Variants in CADM4 observed in about 807,000 individuals in gnomAD.
CADM4 encodes the protein TSLC1-like 2.
A neutral mutation model predicts 43.9 loss-of-function variants in CADM4; 13 were observed. The observed-to-expected ratio is 0.30, with a 90% CI of 0.19 to 0.47. The LOEUF is 0.47. CADM4 is among the 20% of genes least tolerant of loss of function. CADM4 has a pLI of 1.00. For missense variants in CADM4, 420 were observed against 527.0 expected (o/e 0.80, Z 1.99); for synonymous variants, 209 against 220.9 (o/e 0.95, Z 0.48).
upstream of CADM4, among the ~76,000 whole-genome samples, chr19:43,640,196 G>T (rs970595366): frequency 6.6e-6 from 1 of 151,722 alleles, no homozygotes; most frequent in African/African-American, 2.4e-5. Context: ...GCGGAGGGGA[G>T]GGTGGCAGGG....
At position 43,626,066 on chromosome 19, in the gene CADM4, C is replaced by T. The variant is rs1350794223; in HGVS notation, c.664+58G>A. ...CATCACGCAGGACAAGGGGGACCCT[C>T]GCGGGTGCGGGTGGCTGGCGTTGGG... On this transcript the variant is annotated intron_variant, in intron 5 of 8. Transcript: ENST00000222374. This position sits in a 1 kb window ranked among gnomAD's most constrained non-coding sequence, Gnocchi z 5.9. The T allele has an allele frequency of 1.3e-5, 21 of 1,612,068 alleles. No individual in the cohort carries two copies. Among genetic ancestry groups the T allele is most frequent in the Non-Finnish European group, 1.8e-5 (21 of 1,178,838 alleles).
upstream of CADM4, among the ~76,000 whole-genome samples, chr19:43,640,562 C>A (rs1296847002): frequency 3.3e-5 from 5 of 152,012 alleles, no homozygotes; most frequent in African/African-American, 1.2e-4. Context: ...GCGTCATTCT[C>A]CGGGAGGGGC....
rs1489119522 is a variant in CADM4 at position 43,627,030 on chromosome 19, G to A, written c.365-112C>T. On this transcript the variant is annotated intron_variant, in intron 3 of 8. Coordinates refer to ENST00000222374, the MANE Select transcript of CADM4 (RefSeq NM_145296.2). This position sits in a 1 kb window ranked among gnomAD's most constrained non-coding sequence, Gnocchi z 4.0. The stretch of plus-strand genomic sequence containing the variant: ...AGGGAACCAGGGTCCCAGGTGGCAG[G>A]GGTCAAAGGGGAGAGGTCAGGAGCC... The A allele has an allele frequency of 1.4e-6, 2 of 1,480,006 alleles. No individual in the cohort carries two copies. The highest frequency in any genetic ancestry group is 1.4e-5 in the South Asian group (1 of 73,586). 91.7% of individuals were successfully genotyped at this position (1,480,006 alleles called of 1,614,324 possible).
chr19:43,639,614 C>T (rs1414936620), intron 1 of CADM4, 113 bp downstream of exon 1: 2 of 627,328 alleles, frequency 3.2e-6, no homozygotes, highest in Non-Finnish European at 4.0e-6. Context: ...GGAGGGGGCC[C>T]GGCCCGGCCC....
chr19:43,641,683 C>T (rs945710792), upstream of CADM4, among the ~76,000 whole-genome samples: 4 of 152,224 alleles, frequency 2.6e-5, no homozygotes, highest in African/African-American at 9.6e-5. Flanking sequence ...GTCCCCAGAT[C>T]CATAGCCCTG....
At chr19:43,630,156 C>T (rs1176441295) in intron 1 of CADM4, among the ~76,000 whole-genome samples, 1 of 152,044 alleles carries the variant, frequency 6.6e-6, no homozygotes, top group African/African-American at 2.4e-5. Flanking sequence ...CTGCCTGCTT[C>T]GGCCTCCCAA....
intron 1 of CADM4, among the ~76,000 whole-genome samples, chr19:43,636,859 C>T (rs901303956): frequency 2.8e-4 from 42 of 152,140 alleles, no homozygotes; most frequent in African/African-American, 9.4e-4. Flanking sequence ...AGGGAGGGTC[C>T]CCCTATTCTC....
chr19:43,628,379 G>A (rs11083712), intron 1 of CADM4, among the ~76,000 whole-genome samples: 26,027 of 151,268 alleles, frequency 0.17, 2,452 homozygotes, highest in East Asian at 0.22. Context: ...AAGTTGCAGT[G>A]AGCCGAGATG....
chr19:43,630,954 C>T lies in CADM4; in HGVS notation c.65-3164G>A, dbSNP rs1339257532. On this transcript the variant is annotated intron_variant, in intron 1 of 8. Transcript: ENST00000222374. ...ATTCAGGAGTATTTCCTGAGCATCACGTAGGTTTTCAGGGGCTGAGTAGTC... is the reference window on the plus strand; with the variant it reads ...ATTCAGGAGTATTTCCTGAGCATCATGTAGGTTTTCAGGGGCTGAGTAGTC... Among the ~76,000 whole-genome samples, 8 of 152,128 alleles carry T rather than the reference C, an allele frequency of 5.3e-5. No homozygotes were observed. The East Asian group carries it at 9.6e-4, about 18-fold the overall frequency.
At chr19:43,624,824 C>A in intron 7 of CADM4, 1 of 524,662 alleles carries the variant, frequency 1.9e-6, no homozygotes, top group South Asian at 2.4e-5. Context: ...ATAATCTTCA[C>A]AACAGCCTTG....
At chr19:43,630,261 C>G (rs575840606) in intron 1 of CADM4, among the ~76,000 whole-genome samples, 2 of 149,472 alleles carry the variant, frequency 1.3e-5, no homozygotes, top group African/African-American at 4.9e-5. Flanking sequence ...CCCATTTTCC[C>G]CCATTTCCAT....
Position 43,626,200 on chromosome 19 carries a change from G to C in CADM4, c.588C>G (p.Ile196Met), listed in dbSNP as rs777661742. 3 of 1,613,780 alleles carry C rather than the reference G, an allele frequency of 1.9e-6. No homozygotes were observed. The highest frequency in any genetic ancestry group is 2.5e-6 in the Non-Finnish European group (3 of 1,180,020). Residue 196 changes from isoleucine (I) to methionine (M), a missense_variant, in exon 5 of 9, where the codon ATC becomes ATG. Coordinates refer to ENST00000222374, the MANE Select transcript of CADM4 (RefSeq NM_145296.2). The surrounding 1 kb of genome is among the most constrained non-coding windows in gnomAD (Gnocchi z 5.9). ...FRVDRKDDGG[I>M]IICEAQNQAL... ...CCTGGTTCTGCGCCTCACAGATGATGATACCACCGTCGTCCTTACGGTCCA... is the reference window on the plus strand; with the variant it reads ...CCTGGTTCTGCGCCTCACAGATGATCATACCACCGTCGTCCTTACGGTCCA...
chr19:43,628,269 C>CAA (rs1196984834), intron 1 of CADM4, among the ~76,000 whole-genome samples: 2,896 of 127,540 alleles, frequency 0.023, 80 homozygotes, highest in African/African-American at 0.069. Context: ...ACTAAAAATA[C>CAA]AAAAAAAAAA....
At chr19:43,641,649 G>A (rs1256215805), upstream of CADM4, among the ~76,000 whole-genome samples, 2 of 152,180 alleles carry the variant, frequency 1.3e-5, no homozygotes, top group Non-Finnish European at 2.9e-5. Context: ...TGTCCTGAGA[G>A]CCCAAGCTTC....
At position 43,625,871 on chromosome 19, in the gene CADM4, C is replaced by T. The variant is rs1973517089; in HGVS notation, c.755+40G>A. 2 of 1,563,754 alleles carry T rather than the reference C, an allele frequency of 1.3e-6. No homozygotes were observed. The highest frequency in any genetic ancestry group is 4.5e-5 in the East Asian group (2 of 44,556). The stretch of plus-strand genomic sequence containing the variant: ...GGTCCCTGTTCTTCCAGGTCCCCAG[C>T]TTTCTCCTCCTGAGGACGCAGGAGG... On this transcript the variant is annotated intron_variant, in intron 6 of 8. Transcript: ENST00000222374. The surrounding 1 kb of genome is among the most constrained non-coding windows in gnomAD (Gnocchi z 4.5).
At position 43,623,475 on chromosome 19, in the gene CADM4, A is replaced by G; in HGVS notation, c.1058-36T>C. 1 of 1,303,984 alleles carries G rather than the reference A, an allele frequency of 7.7e-7. No individual in the cohort carries two copies. The highest frequency in any genetic ancestry group is 1.1e-6 in the Non-Finnish European group (1 of 897,794). The allele number at this position is 1,303,984 out of a possible 1,614,324, so 80.8% of individuals were successfully genotyped here. On this transcript the variant is annotated intron_variant, in intron 8 of 8. Coordinates refer to ENST00000222374, the MANE Select transcript of CADM4 (RefSeq NM_145296.2). The surrounding 1 kb of genome is among the most constrained non-coding windows in gnomAD (Gnocchi z 4.4). Reference sequence around the variant, plus strand: ...GACAGACCCCCGGGGCAGGGGGGACATATTTGTGGATCCAGGAGTTGGACA... The same window carrying G: ...GACAGACCCCCGGGGCAGGGGGGACGTATTTGTGGATCCAGGAGTTGGACA...
intron 1 of CADM4, among the ~76,000 whole-genome samples, chr19:43,636,938 CCAA>C (rs1973713157): frequency 6.6e-6 from 1 of 152,102 alleles, no homozygotes; most frequent in Non-Finnish European, 1.5e-5. Context: ...TATTTAGGGA[CCAA>C]CAACTGCCCC....
At chr19:43,632,959 G>A (rs1600100494) in intron 1 of CADM4, among the ~76,000 whole-genome samples, 3 of 151,696 alleles carry the variant, frequency 2.0e-5, no homozygotes, top group South Asian at 4.2e-4. Flanking sequence ...GTGGTAGCCC[G>A]GGCTACTCAG....
chr19:43,630,497 G>C (rs1973606082), intron 1 of CADM4, among the ~76,000 whole-genome samples: 1 of 149,816 alleles, frequency 6.7e-6, no homozygotes, highest in Admixed American at 6.7e-5. Flanking sequence ...TCTTGGCCAG[G>C]CTGGTCTGGA....
Sources: gnomAD v4.1 joint callset for allele counts (sites outside exome capture counted in the v4.1 genomes callset) on GRCh38, gnomAD v4.1.1 for gene constraint, Gnocchi (gnomAD v3.1) non-coding constraint, MANE v1.5 for transcripts, NCBI Gene and HGNC (gene_info 2026-07-23, HGNC 2026-07-21) for gene names.